Variants in SPRY4 observed in about 807,000 individuals in gnomAD.
The protein encoded by SPRY4 is sprouty RTK signaling antagonist 4.
In SPRY4, 7 loss-of-function variants were observed where a neutral mutation model predicts 17.0. That is an observed-to-expected ratio of 0.41 (90% CI 0.23 to 0.77). The LOEUF is 0.77. Among genes scored for constraint, SPRY4 ranks in the 30% least tolerant of loss-of-function variants. SPRY4 has a pLI of 0.32. For missense variants in SPRY4, 435 were observed against 419.9 expected, an observed-to-expected ratio of 1.04 and a Z score of -0.31; for synonymous variants, 183 against 174.1, an observed-to-expected ratio of 1.05 and a Z score of -0.40.
At chr5:142,317,718 C>G in intron 1 of SPRY4, 1 of 984,938 alleles carries the variant, frequency 1.0e-6, no homozygotes, top group Non-Finnish European at 1.2e-6. Context: ...TTTAATAGGC[C>G]TTGGAATCAG....
At chr5:142,322,933 G>C (rs190519278) in intron 1 of SPRY4, among the ~76,000 whole-genome samples, 1 of 151,892 alleles carries the variant, frequency 6.6e-6, no homozygotes, top group East Asian at 1.9e-4. Context: ...TTTCACACTG[G>C]ACATCTCCAC....
intron 1 of SPRY4, chr5:142,319,835 G>A (rs1466299128): frequency 1.3e-6 from 2 of 1,573,420 alleles, no homozygotes; most frequent in Non-Finnish European, 8.6e-7. Flanking sequence ...CCGCACAATT[G>A]AGCAGGATGC....
At chr5:142,315,352 C>G in intron 1 of SPRY4, 197 bp from the exon 2 acceptor site, 2 of 554,234 alleles carry the variant, frequency 3.6e-6, no homozygotes, top group Non-Finnish European at 6.4e-6. Context: ...GGAAATAATA[C>G]TACTGAGCAC....
chr5:142,315,416 G>A (rs1225957072), intron 1 of SPRY4: 6 of 425,896 alleles, frequency 1.4e-5, no homozygotes, highest in Non-Finnish European at 2.1e-5. Context: ...TTGACTTCAT[G>A]ATAAGCCTAA....
In SPRY4 at chr5:142,313,824, AGG is replaced by A. The variant is rs57741967; in HGVS notation, c.*383_*384del. The stretch of plus-strand genomic sequence containing the variant: ...GAGCCAAAGACAATGGAAAAGAGGA[AGG>A]GGGGGGGGGCGGAGGGAGGGAGGGA... On this transcript the variant is annotated 3_prime_UTR_variant, in exon 2 of 2. Transcript: ENST00000434127. 248 of 144,066 alleles carry A rather than the reference AGG, an allele frequency of 1.7e-3. 3 individuals carry two copies. The highest frequency in any genetic ancestry group is 0.012 in the East Asian group (72 of 6,230). 8.9% of individuals were successfully genotyped at this position (144,066 alleles called of 1,614,324 possible).
intron 1 of SPRY4, chr5:142,317,696 A>T (rs1201781248): frequency 1.0e-6 from 1 of 985,080 alleles, no homozygotes; most frequent in Non-Finnish European, 1.2e-6. Flanking sequence ...GAAATGGGCA[A>T]TGCTCAGAAA....
At position 142,314,118 on chromosome 5, in the gene SPRY4, A is replaced by T; in HGVS notation, c.*91T>A. ...GCAGACTAGCAAGGTCAGCCTCAGG[A>T]GGCTAAAACCTCTGACCTTGCTGCA... On this transcript the variant is annotated 3_prime_UTR_variant, in exon 2 of 2. Transcript: ENST00000434127. The surrounding 1 kb of genome is among the most constrained non-coding windows in gnomAD (Gnocchi z 4.8). The T allele has an allele frequency of 7.2e-7, 1 of 1,389,034 alleles. No homozygotes were observed. 86.0% of individuals were successfully genotyped at this position (1,389,034 alleles called of 1,614,324 possible).
chr5:142,319,669 G>A (rs1473254696), intron 1 of SPRY4: 5 of 1,556,306 alleles, frequency 3.2e-6, no homozygotes, highest in East Asian at 2.3e-5. Context: ...CCCAGAACAC[G>A]CGCAACACTG....
rs1759045108 is a variant in SPRY4, at chr5:142,314,297, G to A, written c.812C>T (p.Pro271Leu). Residue 271 changes from proline to leucine, a missense_variant, in exon 2 of 2, where the codon CCT (proline) becomes CTT (leucine). Pro to Leu is a moderately conservative substitution (Grantham distance 98). Coordinates refer to ENST00000434127, the MANE Select transcript of SPRY4 (RefSeq NM_001127496.3). The surrounding 1 kb of genome is among the most constrained non-coding windows in gnomAD (Gnocchi z 4.8). ...GTTCGTGTGCTTGCAGCGGCAACCA[G>A]GGCGGCGCAGACGGTCGTAGCCACG... ...AQRGYDRLRR[P>L]GCRCKHTNSV... 2 of 1,613,880 alleles carry A rather than the reference G, an allele frequency of 1.2e-6. No individual in the cohort carries two copies. Among genetic ancestry groups the A allele is most frequent in the Non-Finnish European group, 1.7e-6 (2 of 1,179,994 alleles).
At chr5:142,319,555 T>C (rs1256493951) in intron 1 of SPRY4, among the ~76,000 whole-genome samples, 1 of 152,164 alleles carries the variant, frequency 6.6e-6, no homozygotes, top group Non-Finnish European at 1.5e-5. Context: ...TAAGGGTCCC[T>C]AGGGTACCTT....
In SPRY4 at chr5:142,310,603, C is replaced by G. The variant is rs145608916; in HGVS notation, c.*3606G>C. 1.2e-4 allele frequency: 19 copies of G among 152,158 alleles called. No individual in the cohort carries two copies. The highest frequency in any genetic ancestry group is 4.6e-4 in the African/African-American group (19 of 41,364). 9.4% of individuals were successfully genotyped at this position (152,158 alleles called of 1,614,324 possible). On this transcript the variant is annotated 3_prime_UTR_variant, in exon 2 of 2. Transcript: ENST00000434127. ...AAATAAATATTCTATACAAAGAAAA[C>G]CTGTGGCAACTTTGTGGTGGGGTGG...
chr5:142,321,041 G>A (rs1222951860), intron 1 of SPRY4, among the ~76,000 whole-genome samples: 2 of 152,176 alleles, frequency 1.3e-5, no homozygotes, highest in Non-Finnish European at 2.9e-5. Context: ...GATCACAGCT[G>A]AACTGTGGAG....
chr5:142,315,728 G>C (rs1202719535), intron 1 of SPRY4: 1 of 152,660 alleles, frequency 6.6e-6, no homozygotes, highest in African/African-American at 2.4e-5. Flanking sequence ...CTGTAAAATG[G>C]GCTCTTGCAA....
At chr5:142,319,668 C>A (rs966904376) in intron 1 of SPRY4, 1 of 1,555,178 alleles carries the variant, frequency 6.4e-7, no homozygotes, top group Non-Finnish European at 8.7e-7. Flanking sequence ...CCCCAGAACA[C>A]GCGCAACACT....
chr5:142,323,904 TCTC>T, intron 1 of SPRY4: 1 of 152,208 alleles, frequency 6.6e-6, no homozygotes, highest in African/African-American at 2.4e-5. Flanking sequence ...TCTATCCTCT[TCTC>T]TGTGATGTCA....
At chr5:142,317,405 A>G (rs759038639) in intron 1 of SPRY4, 4 of 985,412 alleles carry the variant, frequency 4.1e-6, no homozygotes, top group Non-Finnish European at 4.8e-6. Context: ...ATTCTCCAGC[A>G]CCAGCCAGAA....
rs933213517 is a variant in SPRY4 at position 142,310,783 on chromosome 5, C to G, written c.*3426G>C. Reference sequence around the variant, plus strand: ...AGTTACCCACAGCAGAAAATGGCAACGCAAGATTCATCATCGACTGTCACA... The same window carrying G: ...AGTTACCCACAGCAGAAAATGGCAAGGCAAGATTCATCATCGACTGTCACA... On this transcript the variant is annotated 3_prime_UTR_variant, in exon 2 of 2. Transcript: ENST00000434127. 2 of 152,028 alleles carry G rather than the reference C, an allele frequency of 1.3e-5. No individual in the cohort carries two copies. Among genetic ancestry groups the G allele is most frequent in the African/African-American group, 2.4e-5 (1 of 41,364 alleles). The allele number at this position is 152,028 out of a possible 1,614,324, so 9.4% of individuals were successfully genotyped here. A position where few individuals can be genotyped will look rare whatever the true frequency, so the allele number is the denominator to read the frequency against.
intron 1 of SPRY4, among the ~76,000 whole-genome samples, chr5:142,322,599 T>C (rs530680621): frequency 1.3e-5 from 2 of 152,080 alleles, no homozygotes; most frequent in Non-Finnish European, 2.9e-5. Context: ...CAACTAAAGC[T>C]TCAGTGAGAT....
At position 142,315,021 on chromosome 5, in the gene SPRY4, G is replaced by A. The variant is rs200531302; in HGVS notation, c.88C>T (p.Arg30Trp). The A allele has an allele frequency of 3.1e-4, 496 of 1,613,862 alleles. No homozygotes were observed. The East Asian group carries it at 3.3e-3, about 11-fold the overall frequency. The change falls in exon 2 of 2, where the codon CGG (arginine) becomes TGG (tryptophan). Residue 30 changes from arginine to tryptophan, a missense_variant. Transcript: ENST00000434127. Reference sequence around the variant, plus strand: ...AGGATGGTGAGTGGGTGCTGGAGCCGGCTGTGGGACATCCGGCTGTCAAGA... The same window carrying A: ...AGGATGGTGAGTGGGTGCTGGAGCCAGCTGTGGGACATCCGGCTGTCAAGA... ...PLLDSRMSHS[R>W]LQHPLTILPI...
Sources: gnomAD v4.1 joint callset for allele counts (sites outside exome capture counted in the v4.1 genomes callset) on GRCh38, gnomAD v4.1.1 for gene constraint, Gnocchi (gnomAD v3.1) non-coding constraint, MANE v1.5 for transcripts, NCBI Gene and HGNC (gene_info 2026-07-23, HGNC 2026-07-21) for gene names.